NUP58: variants seen among roughly 807,000 people sequenced by gnomAD.
NUP58 encodes nucleoporin p58/p45.
In NUP58, 17 loss-of-function variants were observed where a neutral mutation model predicts 70.1. That is an observed-to-expected ratio of 0.24 (90% CI 0.17 to 0.36). The LOEUF (loss-of-function observed/expected upper bound fraction) is 0.36, where lower values mean the gene tolerates loss of function less well. Ranked by LOEUF, NUP58 falls within the 10% of genes least tolerant of loss-of-function variation. NUP58 has a pLI of 1.00. For missense variants in NUP58, 644 were observed against 701.5 expected (o/e 0.92, Z 0.93); for synonymous variants, 275 against 257.6 (o/e 1.07, Z -0.65).
At chr13:25,302,608 G>A (rs959484447) in intron 1 of NUP58, among the ~76,000 whole-genome samples, 7 of 152,294 alleles carry the variant, frequency 4.6e-5, no homozygotes, top group South Asian at 4.1e-4. Context: ...AAACAAAGTG[G>A]TGAGACATTT....
In NUP58 at chr13:25,307,844, G is replaced by A. The variant is rs200528418; in HGVS notation, c.146G>A (p.Ser49Asn). ...SVGLNFGNLG[S>N]TSTPATTSAP... ...GGGCTCAATTTTGGAAATCTTGGAAGTACTTCAACTCCAGCAACTACATCT... is the reference window on the plus strand; with the variant it reads ...GGGCTCAATTTTGGAAATCTTGGAAATACTTCAACTCCAGCAACTACATCT... The change falls in exon 2 of 16, where the codon AGT becomes AAT. Residue 49 changes from serine to asparagine, a missense_variant. This residue lies in a region of NUP58 where 430 missense variants were observed against 409.2 expected (regional missense o/e 1.05). Transcript: ENST00000381736. 6.2e-6 allele frequency: 10 copies of A among 1,614,152 alleles called. No individual in the cohort carries two copies. In the East Asian group the frequency reaches 2.2e-4, roughly 36 times the overall value.
Position 25,311,454 on chromosome 13 carries a change from C to T in NUP58, c.287-1429C>T, listed in dbSNP as rs541665872. ...GCAATGGCGTGATCTCAGCTCACCA[C>T]AACCTCTGCCTCCCAGGTTCAAACA... On this transcript the variant is annotated intron_variant, in intron 3 of 15. Coordinates refer to ENST00000381736, the MANE Select transcript of NUP58 (RefSeq NM_014089.4). 4.8e-4 allele frequency among the ~76,000 whole-genome samples: 73 copies of T among 152,264 alleles called. 1 individual carries two copies. Among genetic ancestry groups the T allele is most frequent in the African/African-American group, 1.6e-3 (67 of 41,552 alleles).
chr13:25,336,803 T>C, intron 13 of NUP58, 133 bp from the exon 14 acceptor site: 1 of 593,394 alleles, frequency 1.7e-6, no homozygotes, highest in Non-Finnish European at 2.8e-6. Context: ...GAAAACTAAG[T>C]TTTAACAAAT....
At chr13:25,320,014 T>G (rs1436875659) in intron 7 of NUP58, among the ~76,000 whole-genome samples, 1 of 152,130 alleles carries the variant, frequency 6.6e-6, no homozygotes, top group Non-Finnish European at 1.5e-5. Context: ...ATTAAATATT[T>G]ATTATTCCTG....
At chr13:25,332,537 CAAAA>C (rs3839990) in intron 13 of NUP58, 842,581 of 984,162 alleles carry the variant, frequency 0.86, 373,786 homozygotes, top group Non-Finnish European at 0.91. Context: ...ATAATACACA[CAAAA>C]AAATTAATAC....
intron 10 of NUP58, among the ~76,000 whole-genome samples, chr13:25,325,940 G>A (rs577264369): frequency 1.3e-5 from 2 of 152,218 alleles, no homozygotes; most frequent in South Asian, 4.1e-4. Context: ...AAAAATTCCT[G>A]TATGCCTTTC....
At chr13:25,331,263 G>A (rs1016019017) in intron 12 of NUP58, 94 bp from the exon 13 acceptor site, 13 of 1,162,186 alleles carry the variant, frequency 1.1e-5, no homozygotes, top group Non-Finnish European at 1.4e-5. Context: ...ATAATATTGG[G>A]ACTGTCTTTG....
chr13:25,306,076 T>G (rs1000893527), intron 1 of NUP58, among the ~76,000 whole-genome samples: 1 of 152,156 alleles, frequency 6.6e-6, no homozygotes, highest in Non-Finnish European at 1.5e-5. Context: ...TTATTGAAGT[T>G]AATTCATCCT....
chr13:25,315,540 T>C, intron 6 of NUP58, 73 bp downstream of exon 6: 1 of 1,015,254 alleles, frequency 9.8e-7, no homozygotes, highest in Non-Finnish European at 1.5e-6. Flanking sequence ...CAAAATTCCT[T>C]TGTGTGGAAG....
Position 25,327,540 on chromosome 13 carries a change from C to T in NUP58, c.1233+28C>T, listed in dbSNP as rs1037443237. 4 of 1,441,062 alleles carry T rather than the reference C, an allele frequency of 2.8e-6. No individual in the cohort carries two copies. The East Asian group carries it at 9.2e-5, about 33-fold the overall frequency. 89.3% of individuals were successfully genotyped at this position (1,441,062 alleles called of 1,614,324 possible). A position where few individuals can be genotyped will look rare whatever the true frequency, so the allele number is the denominator to read the frequency against. ...AAGTTTTCATTACCCATTTATCTAC[C>T]TGGATATGTAGACCCAAGTATTTGT... On this transcript the variant is annotated intron_variant, in intron 12 of 15. Coordinates refer to ENST00000381736, the MANE Select transcript of NUP58 (RefSeq NM_014089.4).
At chr13:25,311,748 C>CA (rs1237120303) in intron 3 of NUP58, among the ~76,000 whole-genome samples, 3 of 149,000 alleles carry the variant, frequency 2.0e-5, no homozygotes, top group Non-Finnish European at 1.5e-5. Context: ...AGACTGATAC[C>CA]AGAGAAATAA....
At chr13:25,319,281 T>A in intron 6 of NUP58, 45 bp from the exon 7 acceptor site, 2 of 1,549,188 alleles carry the variant, frequency 1.3e-6, no homozygotes, top group Non-Finnish European at 1.8e-6. Flanking sequence ...GAGTATGTTG[T>A]TCAATTACCA....
At chr13:25,314,644 G>A (rs556031545) in intron 5 of NUP58, among the ~76,000 whole-genome samples, 5 of 152,260 alleles carry the variant, frequency 3.3e-5, no homozygotes, top group South Asian at 2.1e-4. Flanking sequence ...GCAGTGAGCC[G>A]AGATCATGCC....
chr13:25,346,753 G>C (rs775985640), downstream of NUP58, among the ~76,000 whole-genome samples: 2 of 151,466 alleles, frequency 1.3e-5, no homozygotes, highest in Non-Finnish European at 2.9e-5. Context: ...AAAAATTCTC[G>C]AGTATATGAG....
At chr13:25,315,132 C>T (rs1384702173) in intron 5 of NUP58, among the ~76,000 whole-genome samples, 1 of 151,902 alleles carries the variant, frequency 6.6e-6, no homozygotes, top group African/African-American at 2.4e-5. Flanking sequence ...TTCTGGCCCT[C>T]GTAATAATGA....
In NUP58 at chr13:25,312,845, TTTTG is replaced by T. The variant is rs758103853; in HGVS notation, c.287-26_287-23del. The T allele has an allele frequency of 1.3e-3, 1,941 of 1,548,786 alleles. 9 individuals are homozygous for T. Among genetic ancestry groups the T allele is most frequent in the Middle Eastern group, 0.011 (65 of 5,962 alleles). ...AGAACACTTACAGGTAAAGTAGGATTTTTGTTTGTTTGTTTATTCATTTATTTAT... is the reference window on the plus strand; with the variant it reads ...AGAACACTTACAGGTAAAGTAGGATTTTTGTTTGTTTATTCATTTATTTAT... On this transcript the variant is annotated intron_variant, in intron 3 of 15. Coordinates refer to ENST00000381736, the MANE Select transcript of NUP58 (RefSeq NM_014089.4).
chr13:25,330,242 G>C (rs1002468045), intron 12 of NUP58, among the ~76,000 whole-genome samples: 1 of 152,194 alleles, frequency 6.6e-6, no homozygotes, highest in Admixed American at 6.5e-5. Context: ...GGACAAGGAA[G>C]GGTGGATTTG....
chr13:25,304,701 G>C (rs1250333600), intron 1 of NUP58, among the ~76,000 whole-genome samples: 3 of 150,222 alleles, frequency 2.0e-5, no homozygotes, highest in Non-Finnish European at 4.4e-5. Context: ...TTTTATTTTT[G>C]GTATTTTTAG....
At chr13:25,345,579 G>A (rs1469997236), downstream of NUP58, among the ~76,000 whole-genome samples, 1 of 17,522 alleles carries the variant, frequency 5.7e-5, no homozygotes, top group Non-Finnish European at 1.8e-3. Context: ...GGATGATGGG[G>A]GCGGTGGGGG....
Sources: gnomAD v4.1 joint callset for allele counts (sites outside exome capture counted in the v4.1 genomes callset) on GRCh38, gnomAD v4.1.1 for gene constraint, gnomAD v4.1.1 regional missense constraint, MANE v1.5 for transcripts, NCBI Gene and HGNC (gene_info 2026-07-23, HGNC 2026-07-21) for gene names.